Variants in TRDN observed in about 807,000 individuals in gnomAD.
TRDN encodes triadin, also known as triadin in skeletal muscle.
Under a neutral mutation model 149.7 loss-of-function variants are expected in TRDN, and 161 were observed. The observed-to-expected ratio is 1.08, with a 90% CI of 0.95 to 1.23. TRDN has a LOEUF of 1.23. TRDN is among the 50% of genes most tolerant of loss of function. TRDN has a pLI of 0.00. For missense variants in TRDN, 896 were observed against 823.5 expected, an observed-to-expected ratio of 1.09 and a Z score of -1.08; for synonymous variants, 294 against 250.5, an observed-to-expected ratio of 1.17 and a Z score of -1.64.
At chr6:123,493,515 T>A (rs1051299478) in intron 9 of TRDN, among the ~76,000 whole-genome samples, 4 of 152,186 alleles carry the variant, frequency 2.6e-5, no homozygotes, top group South Asian at 2.1e-4. Flanking sequence ...GCACATTTCA[T>A]CAGCAAGCGT....
intron 12 of TRDN, among the ~76,000 whole-genome samples, chr6:123,431,050 T>C (rs1774319226): frequency 6.6e-6 from 1 of 152,234 alleles, no homozygotes; most frequent in Non-Finnish European, 1.5e-5. Flanking sequence ...AAACAACTAT[T>C]GTCTTACCTA....
intron 24 of TRDN, among the ~76,000 whole-genome samples, chr6:123,311,159 T>C (rs938836091): frequency 5.3e-5 from 8 of 151,810 alleles, no homozygotes; most frequent in African/African-American, 1.9e-4. Flanking sequence ...CTCAGGAAAC[T>C]TACAATCATG....
At chr6:123,571,440 A>T (rs1782572080) in intron 1 of TRDN, among the ~76,000 whole-genome samples, 1 of 147,178 alleles carries the variant, frequency 6.8e-6, no homozygotes, top group Non-Finnish European at 1.5e-5. Flanking sequence ...ATTTTAACTT[A>T]ATTGTATAAT....
chr6:123,353,855 A>T (rs1332452291), intron 20 of TRDN, among the ~76,000 whole-genome samples: 7 of 151,826 alleles, frequency 4.6e-5, no homozygotes, highest in African/African-American at 1.7e-4. Flanking sequence ...GAGATGTTAA[A>T]CTAAAAGCAA....
intron 32 of TRDN, among the ~76,000 whole-genome samples, chr6:123,265,843 G>A (rs769611917): frequency 3.4e-5 from 5 of 145,806 alleles, no homozygotes; most frequent in Non-Finnish European, 6.0e-5. Context: ...ATGAATGGGT[G>A]GTAGGTAAAA....
At chr6:123,277,767 A>G (rs1343585991) in intron 26 of TRDN, among the ~76,000 whole-genome samples, 1 of 152,192 alleles carries the variant, frequency 6.6e-6, no homozygotes, top group Non-Finnish European at 1.5e-5. Context: ...CAGAACTGTG[A>G]GACAATAAAT....
chr6:123,468,221 T>C (rs1776946999), intron 9 of TRDN, among the ~76,000 whole-genome samples: 1 of 152,168 alleles, frequency 6.6e-6, no homozygotes, highest in Non-Finnish European at 1.5e-5. Context: ...TTATTAGGAA[T>C]ATATTCTTTT....
chr6:123,439,052 G>A (rs1438753104), intron 10 of TRDN, 49 bp from the exon 11 acceptor site: 1 of 1,429,534 alleles, frequency 7.0e-7, no homozygotes, highest in Non-Finnish European at 9.5e-7. Flanking sequence ...TAGTATGAAA[G>A]CAAAACCAAG....
At chr6:123,575,157 G>A (rs1782790474) in intron 1 of TRDN, among the ~76,000 whole-genome samples, 1 of 151,250 alleles carries the variant, frequency 6.6e-6, no homozygotes, top group Non-Finnish European at 1.5e-5. Flanking sequence ...AATTAATCAT[G>A]ACTCAAAGAT....
At chr6:123,293,981 A>G (rs552620135) in intron 24 of TRDN, among the ~76,000 whole-genome samples, 5 of 152,282 alleles carry the variant, frequency 3.3e-5, no homozygotes, top group African/African-American at 9.6e-5. Flanking sequence ...TTTGTCTACC[A>G]TAAGTCAATC....
intron 10 of TRDN, among the ~76,000 whole-genome samples, chr6:123,463,979 A>C (rs1304871613): frequency 1.3e-5 from 2 of 152,152 alleles, no homozygotes; most frequent in Non-Finnish European, 2.9e-5. Context: ...TGCACACAGA[A>C]GATCTTTTCC....
chr6:123,321,083 G>A (rs1273550446), intron 23 of TRDN, among the ~76,000 whole-genome samples: 1 of 152,092 alleles, frequency 6.6e-6, no homozygotes, highest in Non-Finnish European at 1.5e-5. Context: ...TTCAGTATGA[G>A]GGGGTCTGGA....
chr6:123,556,560 GTC>G (rs1001459136), intron 2 of TRDN, among the ~76,000 whole-genome samples: 60 of 150,772 alleles, frequency 4.0e-4, no homozygotes, highest in African/African-American at 1.4e-3. Context: ...TTCCTGTTCA[GTC>G]TCTCTTTCTC....
intron 35 of TRDN, among the ~76,000 whole-genome samples, chr6:123,258,852 T>TGGTTCAGTCTTGGGA (rs1419522281): frequency 3.3e-5 from 5 of 152,200 alleles, no homozygotes; most frequent in Admixed American, 1.3e-4. Flanking sequence ...CAACTTCTTC[T>TGGTTCAGTCTTGGGA]GGTTCAGTCT....
Position 123,371,630 on chromosome 6 carries a change from C to A in TRDN, c.1273+3975G>T, listed in dbSNP as rs1274068920. On this transcript the variant is annotated intron_variant, in intron 19 of 40. Coordinates refer to ENST00000334268, the MANE Select transcript of TRDN (RefSeq NM_006073.4). ...CCTACCTCTTCATGTCTTAACTGAA[C>A]CTAGATTTTACTTCTGTCAGTATTC... 2.0e-5 allele frequency among the ~76,000 whole-genome samples: 3 copies of A among 152,230 alleles called. No homozygotes were observed. The East Asian group carries it at 5.8e-4, about 29-fold the overall frequency.
chr6:123,347,938 G>T (rs958962583), intron 21 of TRDN, among the ~76,000 whole-genome samples: 1 of 152,022 alleles, frequency 6.6e-6, no homozygotes, highest in African/African-American at 2.4e-5. Context: ...AATTGCCACT[G>T]GCTATCATCA....
At chr6:123,476,826 A>G (rs910493096) in intron 9 of TRDN, among the ~76,000 whole-genome samples, 1 of 151,790 alleles carries the variant, frequency 6.6e-6, no homozygotes, top group African/African-American at 2.4e-5. Flanking sequence ...TCCCTATTTA[A>G]TAAATGGTGC....
At chr6:123,533,480 G>A (rs1240968084) in intron 4 of TRDN, among the ~76,000 whole-genome samples, 2 of 152,054 alleles carry the variant, frequency 1.3e-5, no homozygotes, top group Non-Finnish European at 2.9e-5. Flanking sequence ...AGTTGTGGTG[G>A]TTTTGGGGAC....
chr6:123,389,639 C>T (rs987783806), intron 13 of TRDN, among the ~76,000 whole-genome samples: 6 of 151,982 alleles, frequency 3.9e-5, no homozygotes, highest in Non-Finnish European at 8.8e-5. Flanking sequence ...TTTAATTTAC[C>T]ACAGGTTATT....
Sources: allele counts gnomAD v4.1 joint callset (sites outside exome capture counted in the v4.1 genomes callset), GRCh38; gene constraint gnomAD v4.1.1; transcripts MANE v1.5; gene names NCBI Gene and HGNC (gene_info 2026-07-23, HGNC 2026-07-21).